UBE3A: variants seen among roughly 807,000 people sequenced by gnomAD.
UBE3A encodes ubiquitin protein ligase E3A.
Under a neutral mutation model 83.4 loss-of-function variants are expected in UBE3A, and 6 were observed. That is an observed-to-expected ratio of 0.07 (90% CI 0.04 to 0.14). The LOEUF is 0.14. UBE3A is among the 10% of genes least tolerant of loss of function. The pLI, the probability that UBE3A is intolerant of heterozygous loss-of-function variation, is 1.00. For missense variants in UBE3A, 456 were observed against 1,036.1 expected (o/e 0.44, Z 7.69); for synonymous variants, 337 against 355.4 (o/e 0.95, Z 0.58).
intron 4 of UBE3A, among the ~76,000 whole-genome samples, chr15:25,395,598 G>A (rs1378037696): frequency 6.6e-6 from 1 of 152,198 alleles, no homozygotes; most frequent in Non-Finnish European, 1.5e-5. Context: ...AAAATATTAT[G>A]AGAGACGTAG....
chr15:25,340,356 A>G (rs1002538274), intron 11 of UBE3A, 128 bp from the exon 12 acceptor site: 7 of 1,123,420 alleles, frequency 6.2e-6, no homozygotes, highest in Non-Finnish European at 9.1e-6. Context: ...GGATAGTATC[A>G]CTTCTGGTGA....
chr15:25,400,315 C>T (rs1363885576), intron 4 of UBE3A, among the ~76,000 whole-genome samples: 1 of 152,170 alleles, frequency 6.6e-6, no homozygotes, highest in Non-Finnish European at 1.5e-5. Context: ...ATGCTCAAGT[C>T]CATTATATAA....
intron 1 of UBE3A, among the ~76,000 whole-genome samples, chr15:25,417,165 A>C (rs2153117427): frequency 6.6e-6 from 1 of 152,204 alleles, no homozygotes; most frequent in East Asian, 1.9e-4. Flanking sequence ...GAGACTCCTA[A>C]AATTCTCTCT....
chr15:25,410,727 C>G (rs2089820594), intron 2 of UBE3A, among the ~76,000 whole-genome samples: 1 of 152,158 alleles, frequency 6.6e-6, no homozygotes, highest in Non-Finnish European at 1.5e-5. Flanking sequence ...AAAATAATTG[C>G]AGGGGATTCC....
Position 25,335,737 on chromosome 15 carries a change from C to T in UBE3A, c.*3400G>A, listed in dbSNP as rs1056564758. ...ACAAAGAAATCCCAGAGACAGAGGT[C>T]TGAGCAAAAGATATGGGATTGGGGA... On this transcript the variant is annotated 3_prime_UTR_variant, in exon 13 of 13. Coordinates refer to ENST00000648336, the MANE Select transcript of UBE3A (RefSeq NM_130839.5). 1 of 152,128 alleles carries T rather than the reference C, an allele frequency of 6.6e-6. No homozygotes were observed. The highest frequency in any genetic ancestry group is 1.5e-5 in the Non-Finnish European group (1 of 68,040). 9.4% of individuals were successfully genotyped at this position (152,128 alleles called of 1,614,324 possible). A position where few individuals can be genotyped will look rare whatever the true frequency, so the allele number is the denominator to read the frequency against.
chr15:25,428,233 A>C (rs1316547782), intron 1 of UBE3A, among the ~76,000 whole-genome samples: 1 of 152,212 alleles, frequency 6.6e-6, no homozygotes, highest in African/African-American at 2.4e-5. Flanking sequence ...ACCTCAATAC[A>C]AAATTTTAAA....
intron 1 of UBE3A, among the ~76,000 whole-genome samples, chr15:25,433,525 G>A (rs940809816): frequency 2.0e-5 from 3 of 152,180 alleles, no homozygotes; most frequent in East Asian, 1.9e-4. Flanking sequence ...GAATGATCAC[G>A]TTTGAAAAGC....
intron 7 of UBE3A, among the ~76,000 whole-genome samples, chr15:25,358,148 G>A (rs2077506285): frequency 6.6e-6 from 1 of 152,038 alleles, no homozygotes; most frequent in Non-Finnish European, 1.5e-5. Context: ...GAGGCAGGCA[G>A]ATCACTTGAG....
At chr15:25,428,768 G>C (rs1407675543) in intron 1 of UBE3A, among the ~76,000 whole-genome samples, 1 of 152,136 alleles carries the variant, frequency 6.6e-6, no homozygotes, top group Non-Finnish European at 1.5e-5. Context: ...AAGTATGGGT[G>C]AGGATGCTAG....
chr15:25,364,809 AT>A (rs564884250), intron 6 of UBE3A, among the ~76,000 whole-genome samples: 7 of 150,182 alleles, frequency 4.7e-5, no homozygotes, highest in Admixed American at 6.6e-5. Context: ...GCGCCTGGCT[AT>A]TTTTTTTTGT....
chr15:25,382,029 T>C (rs1444047590), intron 4 of UBE3A, among the ~76,000 whole-genome samples: 1 of 152,236 alleles, frequency 6.6e-6, no homozygotes, highest in Non-Finnish European at 1.5e-5. Flanking sequence ...ATTACTGTTT[T>C]ATGGCCGGGT....
chr15:25,377,441 C>T (rs1238849574), intron 4 of UBE3A, among the ~76,000 whole-genome samples: 1 of 152,094 alleles, frequency 6.6e-6, no homozygotes, highest in East Asian at 1.9e-4. Flanking sequence ...CTATAAACCC[C>T]ACCTGAAAAT....
At chr15:25,394,666 A>G (rs2085152620) in intron 4 of UBE3A, among the ~76,000 whole-genome samples, 1 of 152,212 alleles carries the variant, frequency 6.6e-6, no homozygotes, top group African/African-American at 2.4e-5. Flanking sequence ...CTACATGGTA[A>G]ATGCTCAAAA....
chr15:25,390,789 T>C (rs1427201738), intron 4 of UBE3A, among the ~76,000 whole-genome samples: 2 of 152,060 alleles, frequency 1.3e-5, no homozygotes, highest in South Asian at 2.1e-4. Flanking sequence ...TGGGTAATTA[T>C]GATGTATCAA....
Position 25,375,646 on chromosome 15 carries a change from C to T in UBE3A, c.180G>A (p.Met60Ile), listed in dbSNP as rs1474118468. 1.2e-6 allele frequency: 2 copies of T among 1,614,116 alleles called. No homozygotes were observed. The highest frequency in any genetic ancestry group is 1.7e-6 in the Non-Finnish European group (2 of 1,180,036). The change falls in exon 5 of 13, where the codon ATG (methionine) becomes ATA (isoleucine). Residue 60 changes from methionine to isoleucine, a missense_variant. Met to Ile is a conservative substitution (Grantham distance 10). Coordinates refer to ENST00000648336, the MANE Select transcript of UBE3A (RefSeq NM_130839.5). ...FCASCPTFLR[M>I]DNNAAAIKAL... ...CTTTAATAGCTGCTGCATTATTATC[C>T]ATACGAAGAAAAGTTGGACAGGAAG...
intron 4 of UBE3A, among the ~76,000 whole-genome samples, chr15:25,398,795 AT>A (rs2086303269): frequency 4.9e-5 from 4 of 81,476 alleles, no homozygotes; most frequent in African/African-American, 1.3e-4. Flanking sequence ...ATATATATAT[AT>A]ATATATATAT....
At chr15:25,430,896 A>ATGGGAAGG (rs1382637582) in intron 1 of UBE3A, among the ~76,000 whole-genome samples, 1 of 152,200 alleles carries the variant, frequency 6.6e-6, no homozygotes, top group Non-Finnish European at 1.5e-5. Context: ...GGGAATAAGA[A>ATGGGAAGG]TGGGAAGGTG....
At chr15:25,381,274 T>TA (rs933555642) in intron 4 of UBE3A, among the ~76,000 whole-genome samples, 7 of 152,070 alleles carry the variant, frequency 4.6e-5, no homozygotes, top group Non-Finnish European at 7.4e-5. Flanking sequence ...CTTAGTTCAC[T>TA]AAAAAAATGA....
chr15:25,388,969 A>C (rs1206296697), intron 4 of UBE3A, among the ~76,000 whole-genome samples: 6 of 152,204 alleles, frequency 3.9e-5, no homozygotes, highest in African/African-American at 1.4e-4. Flanking sequence ...GAAATCAAAT[A>C]ACTAAATAAT....
Sources: allele counts gnomAD v4.1 joint callset (sites outside exome capture counted in the v4.1 genomes callset), GRCh38; gene constraint gnomAD v4.1.1; transcripts MANE v1.5; gene names NCBI Gene and HGNC (gene_info 2026-07-23, HGNC 2026-07-21).